SHROOM2: variants seen among roughly 807,000 people sequenced by gnomAD.
SHROOM2 encodes the protein protein Shroom2.
Under a neutral mutation model 75.9 loss-of-function variants are expected in SHROOM2, and 33 were observed. That is an observed-to-expected ratio of 0.43 (90% CI 0.33 to 0.58). SHROOM2 has a LOEUF of 0.58. Among genes scored for constraint, SHROOM2 ranks in the 20% least tolerant of loss-of-function variants. The pLI is 0.04. For synonymous variants in SHROOM2, 655 were observed against 663.6 expected (o/e 0.99, Z 0.20); for missense variants, 1,434 against 1,461.2 (o/e 0.98, Z 0.30).
chrX:9,879,329 C>T (rs767378840), intron 2 of SHROOM2, among the ~76,000 whole-genome samples: 5 of 111,725 alleles, frequency 4.5e-5, no homozygotes, highest in African/African-American at 9.8e-5. Context: ...GGCAAGATCT[C>T]GGCTCACTGC....
Position 9,939,494 on chromosome X carries a change from T to C in SHROOM2, c.4311+128T>C, listed in dbSNP as rs1019573792. ...CAGGGCGTTTGTGTTCAGCTTTCAC[T>C]CAGGACAGTGGAATTTGAGGTGATA... On this transcript the variant is annotated intron_variant, in intron 8 of 9. Coordinates refer to ENST00000380913, the MANE Select transcript of SHROOM2 (RefSeq NM_001649.4). 1.7e-5 allele frequency: 9 copies of C among 535,971 alleles called. No homozygotes were observed. The African/African-American group carries it at 1.9e-4, about 11-fold the overall frequency. 44.2% of individuals were successfully genotyped at this position (535,971 alleles called of 1,213,427 possible).
intron 1 of SHROOM2, among the ~76,000 whole-genome samples, chrX:9,859,323 C>T (rs1183299662): frequency 1.8e-5 from 2 of 112,566 alleles, no homozygotes; most frequent in Non-Finnish European, 3.8e-5. Context: ...GATTCTTTTT[C>T]TCTCTGTTCA....
intron 1 of SHROOM2, among the ~76,000 whole-genome samples, chrX:9,868,232 T>C (rs2084151320): frequency 9.2e-6 from 1 of 108,505 alleles, no homozygotes; most frequent in African/African-American, 3.3e-5. Flanking sequence ...ATTTTTATTT[T>C]TATTTTTATT....
intron 1 of SHROOM2, among the ~76,000 whole-genome samples, chrX:9,822,007 A>T (rs2083855663): frequency 8.9e-6 from 1 of 112,768 alleles, no homozygotes; most frequent in African/African-American, 3.2e-5. Context: ...CTTGAATTGT[A>T]GAGACCTCAC....
chrX:9,798,371 C>T (rs1287266540), intron 1 of SHROOM2, among the ~76,000 whole-genome samples: 3 of 112,170 alleles, frequency 2.7e-5, no homozygotes, highest in African/African-American at 9.7e-5. Context: ...ATATTTATCT[C>T]TGCTAATTGT....
Position 9,792,466 on chromosome X carries a change from T to TG in SHROOM2, c.165+5756_165+5757insG, listed in dbSNP as rs1555919992. 8.9e-3 allele frequency among the ~76,000 whole-genome samples: 962 copies of TG among 108,175 alleles called. 4 individuals carry two copies. The highest frequency in any genetic ancestry group is 0.013 in the Non-Finnish European group (680 of 51,967). 93.9% of individuals were successfully genotyped at this position (108,175 alleles called of 115,157 possible). Reference sequence around the variant, plus strand: ...GCTGTTTTTTTGTGTTGTTTTTTTTTTTGTTGTTGTTGTTGTTTTAAATCC... The same window carrying TG: ...GCTGTTTTTTTGTGTTGTTTTTTTTTGTTGTTGTTGTTGTTGTTTTAAATCC... On this transcript the variant is annotated intron_variant, in intron 1 of 9. Coordinates refer to ENST00000380913, the MANE Select transcript of SHROOM2 (RefSeq NM_001649.4).
chrX:9,920,231 C>G (rs944155370), intron 5 of SHROOM2, among the ~76,000 whole-genome samples: 5 of 112,685 alleles, frequency 4.4e-5, no homozygotes, highest in African/African-American at 1.6e-4. Flanking sequence ...CAGCTCACTA[C>G]AACTCATCAG....
At chrX:9,832,441 C>G (rs1233524916) in intron 1 of SHROOM2, among the ~76,000 whole-genome samples, 2 of 112,138 alleles carry the variant, frequency 1.8e-5, no homozygotes, top group African/African-American at 6.5e-5. Context: ...CTGAGGGATG[C>G]TGTCCCGTGG....
At chrX:9,945,313 G>T (rs887648572) in intron 9 of SHROOM2, among the ~76,000 whole-genome samples, 27 of 110,298 alleles carry the variant, frequency 2.4e-4, no homozygotes, top group African/African-American at 7.9e-4. Context: ...ATTTCACTAT[G>T]TTGGCCAGGC....
chrX:9,859,870 G>A lies in SHROOM2; in HGVS notation c.166-13782G>A, dbSNP rs371411731. Among the ~76,000 whole-genome samples, 5 of 111,426 alleles carry A rather than the reference G, an allele frequency of 4.5e-5. No individual in the cohort carries two copies. In the East Asian group the frequency reaches 8.5e-4, roughly 19 times the overall value. ...GCTCTTTTGCGTTGCTGCTAGAGGC[G>A]AGAGAGAAGATGATTTGCGTGAGGA... On this transcript the variant is annotated intron_variant, in intron 1 of 9. Transcript: ENST00000380913.
chrX:9,823,064 T>TC (rs1443605478), intron 1 of SHROOM2, among the ~76,000 whole-genome samples: 2 of 61,627 alleles, frequency 3.2e-5, no homozygotes, highest in Non-Finnish European at 6.5e-5. Context: ...CTCCTCCTCC[T>TC]CCTCCTCCTC....
intron 4 of SHROOM2, among the ~76,000 whole-genome samples, chrX:9,897,653 C>T (rs2084340724): frequency 1.1e-5 from 1 of 93,170 alleles, no homozygotes; most frequent in African/African-American, 4.3e-5. Flanking sequence ...TATACTCCAG[C>T]CTGGGCAAAA....
chrX:9,806,030 A>G (rs2083749826), intron 1 of SHROOM2, among the ~76,000 whole-genome samples: 1 of 111,067 alleles, frequency 9.0e-6, no homozygotes, highest in Non-Finnish European at 1.9e-5. Flanking sequence ...ACACAGTGAG[A>G]AGGCGCCTCC....
chrX:9,895,546 C>T lies in SHROOM2; in HGVS notation c.1638C>T (p.Ser546=), dbSNP rs566612208. The T allele has an allele frequency of 2.7e-4, 320 of 1,180,689 alleles. 1 individual carries two copies. The highest frequency in any genetic ancestry group is 9.5e-4 in the Admixed American group (40 of 41,922). The change falls in exon 4 of 10, where the codon TCC becomes TCT. Residue 546 remains serine (S), a synonymous_variant. Coordinates refer to ENST00000380913, the MANE Select transcript of SHROOM2 (RefSeq NM_001649.4). ...YPLDKGAEGC[S]AGAQEPPRAS... Reference sequence around the variant, plus strand: ...TGGACAAAGGGGCCGAGGGCTGCTCCGCGGGAGCCCAGGAGCCTCCCAGGG... The same window carrying T: ...TGGACAAAGGGGCCGAGGGCTGCTCTGCGGGAGCCCAGGAGCCTCCCAGGG...
intron 8 of SHROOM2, 55 bp from the exon 9 acceptor site, chrX:9,944,586 T>A: frequency 8.9e-7 from 1 of 1,128,208 alleles, no homozygotes; most frequent in Non-Finnish European, 1.2e-6. Context: ...GTGGCCGGGG[T>A]GGGGGCCGGC....
At position 9,949,187 on chromosome X, in the gene SHROOM2, T is replaced by C; in HGVS notation, c.*2250T>C. 1 of 260,223 alleles carries C rather than the reference T, an allele frequency of 3.8e-6. No homozygotes were observed. The highest frequency in any genetic ancestry group is 7.3e-6 in the Non-Finnish European group (1 of 136,507). The allele number at this position is 260,223 out of a possible 1,213,427, so 21.4% of individuals were successfully genotyped here. A position where few individuals can be genotyped will look rare whatever the true frequency, so the allele number is the denominator to read the frequency against. ...TCTAGTGAGTCAACATCCATAACTC[T>C]GTATCTAGTTGTATTATTCATAGAA... On this transcript the variant is annotated 3_prime_UTR_variant, in exon 10 of 10. Transcript: ENST00000380913.
At chrX:9,851,415 T>C (rs1473363006) in intron 1 of SHROOM2, among the ~76,000 whole-genome samples, 1 of 107,942 alleles carries the variant, frequency 9.3e-6, no homozygotes, top group East Asian at 2.9e-4. Context: ...TTTTGTAATA[T>C]GATGGTAACA....
intron 7 of SHROOM2, 68 bp from the exon 8 acceptor site, chrX:9,939,127 G>C: frequency 5.0e-6 from 5 of 990,638 alleles, no homozygotes; most frequent in Non-Finnish European, 6.7e-6. Flanking sequence ...CACAACCCAG[G>C]GGGTGGGGCA....
chrX:9,889,906 T>C (rs1241891154), intron 2 of SHROOM2, among the ~76,000 whole-genome samples: 1 of 112,530 alleles, frequency 8.9e-6, no homozygotes, highest in Non-Finnish European at 1.9e-5. Context: ...ATACCTTTTC[T>C]CCAGCAAAAG....
Sources: allele counts gnomAD v4.1 joint callset (sites outside exome capture counted in the v4.1 genomes callset), GRCh38; gene constraint gnomAD v4.1.1; transcripts MANE v1.5; gene names NCBI Gene and HGNC (gene_info 2026-07-23, HGNC 2026-07-21).